Variants in CATSPERG observed in about 807,000 individuals in gnomAD.
CATSPERG encodes cation channel sperm-associated auxiliary subunit gamma.
CATSPERG carries 115 observed loss-of-function variants against 145.0 expected under a neutral mutation model. The ratio of observed to expected loss-of-function variants is 0.79; its 90% CI spans 0.68 to 0.93. The LOEUF (loss-of-function observed/expected upper bound fraction) is 0.93. Among genes scored for constraint, CATSPERG ranks in the 40% least tolerant of loss-of-function variants. The probability of loss-of-function intolerance (pLI) is 0.00; values close to 1 mark genes in which losing one functional copy is unlikely to be tolerated. For missense variants in CATSPERG, 1,296 were observed against 1,490.1 expected (o/e 0.87, Z 2.14); for synonymous variants, 588 against 589.0 (o/e 1.00, Z 0.02).
At chr19:38,368,694 C>CT (rs1457277237) in intron 26 of CATSPERG, among the ~76,000 whole-genome samples, 2 of 152,190 alleles carry the variant, frequency 1.3e-5, no homozygotes, top group Non-Finnish European at 2.9e-5. Flanking sequence ...CAGGCTCCCT[C>CT]TGTGGCCCAC....
At chr19:38,338,427 C>A (rs997109073) in intron 3 of CATSPERG, among the ~76,000 whole-genome samples, 2 of 151,904 alleles carry the variant, frequency 1.3e-5, no homozygotes, top group African/African-American at 4.8e-5. Flanking sequence ...GGATTACAGG[C>A]GTGAGCCACC....
rs1568379099 is a variant in CATSPERG at position 38,358,453 on chromosome 19, T to A, written c.1388T>A (p.Met463Lys). 1 of 1,614,166 alleles carries A rather than the reference T, an allele frequency of 6.2e-7. No homozygotes were observed. Among genetic ancestry groups the A allele is most frequent in the Non-Finnish European group, 8.5e-7 (1 of 1,179,992 alleles). Residue 463 changes from methionine (M) to lysine (K), a missense_variant, in exon 13 of 29, where the codon ATG (methionine) becomes AAG (lysine). Transcript: ENST00000409235. ...TCAGCTCGAGGATTGGAGTTCCTGA[T>A]GATCCTAGGGACAGAGTCCTACACC... ...IPEARGLEFLMILGTESYTST... is the reference protein window; with the variant it reads ...IPEARGLEFLKILGTESYTST...
chr19:38,339,839 A>G (rs1360078183), intron 3 of CATSPERG, among the ~76,000 whole-genome samples: 4 of 150,128 alleles, frequency 2.7e-5, no homozygotes, highest in South Asian at 2.1e-4. Context: ...AGTTGTCCCA[A>G]TGCCGTTTGG....
In CATSPERG at chr19:38,348,020, G is replaced by A. The variant is rs552937826; in HGVS notation, c.825+1415G>A. 4.6e-5 allele frequency among the ~76,000 whole-genome samples: 7 copies of A among 151,738 alleles called. No homozygotes were observed. In the East Asian group the frequency reaches 7.8e-4, roughly 17 times the overall value. ...TACTCACAATTTCTGAGGATCCCAC[G>A]TGGATTAGTATTCTCCTGACCCCTT... On this transcript the variant is annotated intron_variant, in intron 7 of 28. Coordinates refer to ENST00000409235, the MANE Select transcript of CATSPERG (RefSeq NM_021185.5).
intron 8 of CATSPERG, among the ~76,000 whole-genome samples, chr19:38,354,057 CA>C (rs942314017): frequency 2.7e-5 from 4 of 150,574 alleles, no homozygotes; most frequent in Admixed American, 2.6e-4. Context: ...TTTCTCCCGC[CA>C]TCTCAGTGAG....
intron 22 of CATSPERG, 75 bp from the exon 23 acceptor site, chr19:38,367,081 C>CTTCCT: frequency 7.1e-7 from 1 of 1,412,550 alleles, no homozygotes; most frequent in Non-Finnish European, 9.5e-7. Flanking sequence ...GGGGACTGTC[C>CTTCCT]TTCCTGCCCC....
intron 14 of CATSPERG, chr19:38,359,982 T>C (rs1568379857): frequency 1.9e-6 from 2 of 1,034,938 alleles, no homozygotes; most frequent in African/African-American, 3.4e-5. Context: ...GAGGGCTTCA[T>C]GGGGGAGACC....
chr19:38,339,134 G>A (rs1176151441), intron 3 of CATSPERG, among the ~76,000 whole-genome samples: 1 of 152,132 alleles, frequency 6.6e-6, no homozygotes. Flanking sequence ...AGAATGTGGA[G>A]GTCAAAAGGG....
rs1434000127 is a variant in CATSPERG at position 38,346,541 on chromosome 19, G to A, written c.761G>A (p.Gly254Asp). Reference sequence around the variant, plus strand: ...CAGTCACCTGTGCTTATCCTGGGAGGCATTCCCAATGAGAAGTACGTCCTG... The same window carrying A: ...CAGTCACCTGTGCTTATCCTGGGAGACATTCCCAATGAGAAGTACGTCCTG... The part of the protein sequence containing the change: ...VDQSPVLILG[G>D]IPNEKYVLMT... The change falls in exon 7 of 29, where the codon GGC becomes GAC. Residue 254 changes from glycine to aspartate, a missense_variant. Gly to Asp is a moderately conservative substitution (Grantham distance 94). Coordinates refer to ENST00000409235, the MANE Select transcript of CATSPERG (RefSeq NM_021185.5). 9 of 1,551,496 alleles carry A rather than the reference G, an allele frequency of 5.8e-6. No homozygotes were observed. The East Asian group carries it at 2.2e-4, about 38-fold the overall frequency.
chr19:38,343,671 GGAA>G lies in CATSPERG; in HGVS notation c.419_421del (p.Lys140del). ...CAGTCCCCAGTCAACTTCTACCGCT[GGAA>G]GATAGAGCAGCTGCAGATCCAGATG... On this transcript the variant is annotated inframe_deletion, in exon 4 of 29. Coordinates refer to ENST00000409235, the MANE Select transcript of CATSPERG (RefSeq NM_021185.5). The G allele has an allele frequency of 6.4e-7, 1 of 1,551,494 alleles. No individual in the cohort carries two copies. The highest frequency in any genetic ancestry group is 8.7e-7 in the Non-Finnish European group (1 of 1,146,966).
Position 38,362,401 on chromosome 19 carries a change from A to G in CATSPERG, c.2183A>G (p.Asn728Ser), listed in dbSNP as rs777422879. The G allele has an allele frequency of 2.0e-5, 33 of 1,613,988 alleles. No homozygotes were observed. In the Middle Eastern group the frequency reaches 1.2e-3, roughly 56 times the overall value. Reference sequence around the variant, plus strand: ...GATTACTACTTCTTCTTGGCGAGCAATTGGCGAAGCGCGGGCGGCGTGTCC... The same window carrying G: ...GATTACTACTTCTTCTTGGCGAGCAGTTGGCGAAGCGCGGGCGGCGTGTCC... Reference protein sequence around the residue: ...DQDYYFFLASNWRSAGGVSIE... With the variant: ...DQDYYFFLASSWRSAGGVSIE... The change falls in exon 19 of 29, where the codon AAT becomes AGT. Residue 728 changes from asparagine to serine, a missense_variant. Asn to Ser is a conservative substitution (Grantham distance 46, BLOSUM62 1). Coordinates refer to ENST00000409235, the MANE Select transcript of CATSPERG (RefSeq NM_021185.5).
intron 26 of CATSPERG, among the ~76,000 whole-genome samples, chr19:38,368,956 C>T (rs556547381): frequency 1.3e-5 from 2 of 152,182 alleles, no homozygotes; most frequent in Non-Finnish European, 2.9e-5. Context: ...TGCCACCATG[C>T]CCGGTTAATT....
chr19:38,343,729 G>T lies in CATSPERG; in HGVS notation c.469+5G>T. 4.5e-6 allele frequency: 7 copies of T among 1,549,036 alleles called. No homozygotes were observed. Among genetic ancestry groups the T allele is most frequent in the Non-Finnish European group, 6.1e-6 (7 of 1,146,848 alleles). On this transcript the variant is annotated splice_donor_5th_base_variant and intron_variant, in intron 4 of 28. Coordinates refer to ENST00000409235, the MANE Select transcript of CATSPERG (RefSeq NM_021185.5). ...CTGCCCCCTTCCGCAGCAAAGGTGG[G>T]CCTGGGGGAGGCGGGAGGGATCGCA...
At chr19:38,359,413 G>A (rs904285958) in intron 13 of CATSPERG, 57 bp from the exon 14 acceptor site, 94 of 1,122,378 alleles carry the variant, frequency 8.4e-5, no homozygotes, top group Non-Finnish European at 1.2e-4. Context: ...ATTAGGCCTG[G>A]GATTGGGGGA....
intron 20 of CATSPERG, 65 bp from the exon 21 acceptor site, chr19:38,364,826 T>C: frequency 1.6e-6 from 2 of 1,283,924 alleles, no homozygotes; most frequent in Non-Finnish European, 2.3e-6. Flanking sequence ...ATTTGAACTG[T>C]TTGTTGGACT....
intron 24 of CATSPERG, 47 bp from the exon 25 acceptor site, chr19:38,367,634 G>T: frequency 6.2e-7 from 1 of 1,611,928 alleles, no homozygotes; most frequent in Non-Finnish European, 8.5e-7. Flanking sequence ...ATGGGTGCAG[G>T]ACTCGAGACC....
intron 25 of CATSPERG, 111 bp from the exon 26 acceptor site, chr19:38,367,937 A>G (rs894044153): frequency 6.1e-5 from 72 of 1,177,612 alleles, no homozygotes; most frequent in Non-Finnish European, 7.7e-5. Flanking sequence ...CCCGCCCCTA[A>G]CACCATGTCC....
chr19:38,339,039 A>G (rs967559926), intron 3 of CATSPERG, among the ~76,000 whole-genome samples: 6 of 152,142 alleles, frequency 3.9e-5, no homozygotes, highest in African/African-American at 1.4e-4. Flanking sequence ...CCAGAGGGCC[A>G]TTGCTAGTGT....
Position 38,346,494 on chromosome 19 carries a change from G to A in CATSPERG, c.714G>A (p.Arg238=). Residue 238 remains arginine (R), a synonymous_variant, in exon 7 of 29, where the codon AGG becomes AGA. Coordinates refer to ENST00000409235, the MANE Select transcript of CATSPERG (RefSeq NM_021185.5). ...AGTACTTTGTGGGTGTCTCATCGAG[G>A]CCCTTGTGGCACACTGTGGACCAGT... ...MPQYFVGVSS[R]PLWHTVDQSP... is the part of the protein sequence containing the mutation. The A allele has an allele frequency of 6.4e-7, 1 of 1,550,832 alleles. No homozygotes were observed. The highest frequency in any genetic ancestry group is 8.7e-7 in the Non-Finnish European group (1 of 1,146,272).
Sources: gnomAD v4.1 joint callset for allele counts (sites outside exome capture counted in the v4.1 genomes callset) on GRCh38, gnomAD v4.1.1 for gene constraint, MANE v1.5 for transcripts, NCBI Gene and HGNC (gene_info 2026-07-23, HGNC 2026-07-21) for gene names.